The following BMX variants were observed in gnomAD, a reference collection of about 807,000 sequenced individuals.
BMX encodes the protein cytoplasmic tyrosine-protein kinase BMX.
In BMX, 31 loss-of-function variants were observed where a neutral mutation model predicts 59.2. That is an observed-to-expected ratio of 0.52 (90% CI 0.39 to 0.71). The LOEUF (loss-of-function observed/expected upper bound fraction) is 0.71. Among genes scored for constraint, BMX ranks in the 30% least tolerant of loss-of-function variants. The pLI is 0.00. For synonymous variants in BMX, 185 were observed against 181.0 expected, an observed-to-expected ratio of 1.02 and a Z score of -0.18; for missense variants, 474 against 491.7, an observed-to-expected ratio of 0.96 and a Z score of 0.34.
At chrX:15,524,418 C>T (rs1426569265) in intron 7 of BMX, among the ~76,000 whole-genome samples, 1 of 112,357 alleles carries the variant, frequency 8.9e-6, no homozygotes, top group East Asian at 2.8e-4. Context: ...AGTACATTTA[C>T]ATTGTTGTGC....
chrX:15,534,898 G>A (rs182849439), intron 12 of BMX, among the ~76,000 whole-genome samples: 1 of 111,396 alleles, frequency 9.0e-6, no homozygotes, highest in Non-Finnish European at 1.9e-5. Flanking sequence ...TAACAGCTGT[G>A]TAGAATTCTA....
rs754855100 is a variant in BMX at position 15,511,535 on chromosome X, A to G, written c.325+17A>G. ...TACAAAAAGGTAATTCAAAAAAAGAAATGTTGAAAGAGAAAGGTCAAAAAA... is the reference window on the plus strand; with the variant it reads ...TACAAAAAGGTAATTCAAAAAAAGAGATGTTGAAAGAGAAAGGTCAAAAAA... On this transcript the variant is annotated intron_variant, in intron 4 of 18. Transcript: ENST00000348343. The G allele has an allele frequency of 5.8e-5, 69 of 1,181,291 alleles. No individual in the cohort carries two copies. Among genetic ancestry groups the G allele is most frequent in the Non-Finnish European group, 5.0e-5 (44 of 875,696 alleles).
At chrX:15,509,475 C>A in intron 3 of BMX, 42 bp downstream of exon 3, 1 of 932,776 alleles carries the variant, frequency 1.1e-6, no homozygotes, top group Non-Finnish European at 1.5e-6. Flanking sequence ...ATAGTTCTTC[C>A]TTCAATTTTT....
At chrX:15,545,694 C>CT (rs1925916235) in intron 16 of BMX, among the ~76,000 whole-genome samples, 1 of 111,515 alleles carries the variant, frequency 9.0e-6, no homozygotes, top group Non-Finnish European at 1.9e-5. Flanking sequence ...CTGCCGTTCC[C>CT]TGGCACCAGC....
At chrX:15,517,366 G>T (rs902952481) in intron 5 of BMX, among the ~76,000 whole-genome samples, 5 of 111,925 alleles carry the variant, frequency 4.5e-5, no homozygotes, top group African/African-American at 1.6e-4. Context: ...TTTGTCTATG[G>T]TCTATTTGGT....
chrX:15,554,373 C>T (rs1926330066), intron 18 of BMX, among the ~76,000 whole-genome samples: 1 of 111,493 alleles, frequency 9.0e-6, no homozygotes, highest in South Asian at 3.7e-4. Flanking sequence ...GAGGTTGAGC[C>T]TCTTTTCACG....
chrX:15,550,801 G>A (rs1264235382), intron 18 of BMX, among the ~76,000 whole-genome samples: 2 of 110,543 alleles, frequency 1.8e-5, no homozygotes, highest in South Asian at 3.8e-4. Context: ...GGCAAAAAAC[G>A]TGATTACTTT....
intron 9 of BMX, among the ~76,000 whole-genome samples, chrX:15,527,208 A>AC (rs1168758712): frequency 8.9e-5 from 8 of 90,096 alleles, no homozygotes; most frequent in Non-Finnish European, 1.5e-4. Context: ...AAAAAAAAAA[A>AC]AAAAAAAAAC....
chrX:15,550,974 C>T (rs1320058598), intron 18 of BMX, among the ~76,000 whole-genome samples: 4 of 110,995 alleles, frequency 3.6e-5, no homozygotes, highest in Admixed American at 9.6e-5. Context: ...CAGGTGAGAA[C>T]AGCACAAGCA....
intron 14 of BMX, among the ~76,000 whole-genome samples, chrX:15,537,893 A>C (rs142293591): frequency 0.017 from 1,840 of 110,857 alleles, 11 homozygotes; most frequent in Non-Finnish European, 0.027. Context: ...CGGAGTAGGC[A>C]TGTCTCCTTG....
intron 14 of BMX, 29 bp from the exon 15 acceptor site, chrX:15,541,953 A>G (rs780426560): frequency 2.6e-6 from 3 of 1,169,379 alleles, no homozygotes; most frequent in East Asian, 5.9e-5. Context: ...AGTGTGGAGC[A>G]TTGAACTTTG....
Position 15,531,220 on chromosome X carries a change from T to C in BMX, c.940-108T>C, listed in dbSNP as rs1288590443. ...TGAGAAACCTGTGCCTTTTGTGATA[T>C]ATAAAGTCAATCTAAAAGATTTGTT... On this transcript the variant is annotated intron_variant, in intron 10 of 18. Coordinates refer to ENST00000348343, the MANE Select transcript of BMX (RefSeq NM_203281.3). 4.7e-6 allele frequency: 3 copies of C among 637,029 alleles called. No individual in the cohort carries two copies. The African/African-American group carries it at 6.6e-5, about 14-fold the overall frequency. The allele number at this position is 637,029 out of a possible 1,213,427, so 52.5% of individuals were successfully genotyped here.
At chrX:15,524,124 A>G (rs897254256) in intron 7 of BMX, among the ~76,000 whole-genome samples, 2 of 112,085 alleles carry the variant, frequency 1.8e-5, no homozygotes, top group African/African-American at 6.5e-5. Context: ...AAGATAATCT[A>G]TGCCCCCATT....
intron 17 of BMX, 24 bp from the exon 18 acceptor site, chrX:15,549,816 G>A: frequency 8.5e-7 from 1 of 1,182,711 alleles, no homozygotes; most frequent in East Asian, 3.0e-5. Context: ...TTTTTTATCT[G>A]GGCCACCTCT....
At chrX:15,531,474 T>A (rs1389829378) in intron 11 of BMX, 67 bp downstream of exon 11, 5 of 917,889 alleles carry the variant, frequency 5.4e-6, no homozygotes, top group Admixed American at 5.0e-5. Context: ...CTGGTCACAA[T>A]CACATTTTGG....
At chrX:15,526,269 G>C (rs976967474) in intron 9 of BMX, among the ~76,000 whole-genome samples, 174 bp downstream of exon 9, 2 of 111,969 alleles carry the variant, frequency 1.8e-5, no homozygotes, top group African/African-American at 6.5e-5. Context: ...CAATGAGCTG[G>C]GTTGTTACCA....
At chrX:15,508,580 A>G (rs1406658866) in intron 2 of BMX, 89 bp downstream of exon 2, 25 of 767,094 alleles carry the variant, frequency 3.3e-5, no homozygotes, top group Non-Finnish European at 1.1e-5. Context: ...AAAGAATATC[A>G]GGTTTCTTAA....
Position 15,549,843 on chromosome X carries a change from T to C in BMX, c.1799T>C (p.Ile600Thr). The C allele has an allele frequency of 8.3e-7, 1 of 1,206,141 alleles. No individual in the cohort carries two copies. Among genetic ancestry groups the C allele is most frequent in the Non-Finnish European group, 1.1e-6 (1 of 892,398 alleles). Reference sequence around the variant, plus strand: ...GCCACCTCTTGGTGTGGTGCAGGGATCCTGATGTGGGAGGTGTTCAGCCTG... The same window carrying C: ...GCCACCTCTTGGTGTGGTGCAGGGACCCTGATGTGGGAGGTGTTCAGCCTG... The part of the protein sequence containing the change: ...SSKSDVWAFG[I>T]LMWEVFSLGK... The change falls in exon 18 of 19, where the codon ATC (isoleucine) becomes ACC (threonine). Residue 600 changes from isoleucine to threonine, a missense_variant. Transcript: ENST00000348343.
chrX:15,503,602 C>T (rs981350015), intron 1 of BMX, among the ~76,000 whole-genome samples: 2 of 112,118 alleles, frequency 1.8e-5, no homozygotes, highest in Non-Finnish European at 3.8e-5. Flanking sequence ...CTCAGTGTTA[C>T]ATCTGTAAAA....
Sources: allele counts gnomAD v4.1 joint callset (sites outside exome capture counted in the v4.1 genomes callset), GRCh38; gene constraint gnomAD v4.1.1; transcripts MANE v1.5; gene names NCBI Gene and HGNC (gene_info 2026-07-23, HGNC 2026-07-21).